Variants in ADD3 observed in about 807,000 individuals in gnomAD.
The protein encoded by ADD3 is gamma-adducin.
Under a neutral mutation model 80.2 loss-of-function variants are expected in ADD3, and 25 were observed. That is an observed-to-expected ratio of 0.31 (90% CI 0.23 to 0.44). The LOEUF (loss-of-function observed/expected upper bound fraction) is 0.44. ADD3 is among the 20% of genes least tolerant of loss of function. The pLI is 1.00. For synonymous variants in ADD3, 284 were observed against 289.6 expected, an observed-to-expected ratio of 0.98 and a Z score of 0.20; for missense variants, 829 against 847.5, an observed-to-expected ratio of 0.98 and a Z score of 0.27.
intron 2 of ADD3, among the ~76,000 whole-genome samples, chr10:110,110,998 T>G (rs1849941783): frequency 6.6e-6 from 1 of 152,032 alleles, no homozygotes; most frequent in South Asian, 2.1e-4. Flanking sequence ...AAAAAAAGTT[T>G]CCTAGACATA....
intron 1 of ADD3, among the ~76,000 whole-genome samples, chr10:110,025,372 G>C (rs1017792275): frequency 6.6e-6 from 1 of 151,900 alleles, no homozygotes; most frequent in Admixed American, 6.6e-5. Context: ...CGATATTTGT[G>C]GGAGAGATGG....
At chr10:110,026,697 G>A (rs1420788691) in intron 1 of ADD3, among the ~76,000 whole-genome samples, 1 of 151,752 alleles carries the variant, frequency 6.6e-6, no homozygotes, top group Non-Finnish European at 1.5e-5. Flanking sequence ...TGTGTTTCCT[G>A]GTGACAATAT....
intron 2 of ADD3, among the ~76,000 whole-genome samples, chr10:110,104,071 C>T (rs1481768069): frequency 4.6e-5 from 7 of 152,176 alleles, no homozygotes. Context: ...ACCTTAAGTA[C>T]AGGTCCTGTC....
intron 1 of ADD3, among the ~76,000 whole-genome samples, chr10:110,039,908 G>T (rs1856093953): frequency 6.6e-6 from 1 of 152,196 alleles, no homozygotes; most frequent in South Asian, 2.1e-4. Context: ...TCATCTGAGT[G>T]TTCTTAAGAT....
chr10:110,013,423 G>A (rs1037511307), intron 1 of ADD3, among the ~76,000 whole-genome samples: 1 of 152,102 alleles, frequency 6.6e-6, no homozygotes, highest in Non-Finnish European at 1.5e-5. Context: ...TTTTAATCTA[G>A]GGTTATGAAA....
At chr10:110,068,290 C>A (rs546530143) in intron 1 of ADD3, among the ~76,000 whole-genome samples, 1 of 152,250 alleles carries the variant, frequency 6.6e-6, no homozygotes, top group East Asian at 1.9e-4. Flanking sequence ...TTTCCACCTC[C>A]CCCCCTCCTT....
Position 110,096,170 on chromosome 10 carries a change from AAAAC to A in ADD3, c.-29-4452_-29-4449del, listed in dbSNP as rs902723132. ...TTATATAAAAATATTTTTTTGGAAA[AAAAC>A]AATACTCAGTTGGCTCTTTCAGCAT... On this transcript the variant is annotated intron_variant, in intron 1 of 14. Transcript: ENST00000356080. Among the ~76,000 whole-genome samples the A allele has an allele frequency of 4.6e-4, 70 of 152,268 alleles. 1 individual carries two copies. The highest frequency in any genetic ancestry group is 3.0e-3 in the Admixed American group (46 of 15,304).
In ADD3 at chr10:110,125,890, A is replaced by G; in HGVS notation, c.1466A>G (p.Asn489Ser). 1 of 1,610,848 alleles carries G rather than the reference A, an allele frequency of 6.2e-7. No homozygotes were observed. Among genetic ancestry groups the G allele is most frequent in the Non-Finnish European group, 8.5e-7 (1 of 1,177,678 alleles). Residue 489 changes from asparagine (N) to serine (S), a missense_variant, in exon 11 of 15, where the codon AAT (asparagine) becomes AGT (serine). By Grantham distance (46) the Asn-to-Ser change is conservative (BLOSUM62 1). Coordinates refer to ENST00000356080, the MANE Select transcript of ADD3 (RefSeq NM_016824.5). ...GGTPIKIEDP[N>S]QFVPLNTNPN... is the part of the protein sequence containing the mutation. ...ACACCTATCAAAATTGAAGATCCAA[A>G]TCAGTTTGTTCCTTTAAACACAAAC...
chr10:110,066,809 A>G (rs1844013993), intron 1 of ADD3, among the ~76,000 whole-genome samples: 1 of 152,226 alleles, frequency 6.6e-6, no homozygotes, highest in African/African-American at 2.4e-5. Flanking sequence ...ATAATTGTCT[A>G]GAATTTTTTG....
chr10:110,073,031 T>G (rs1475057935), intron 1 of ADD3, among the ~76,000 whole-genome samples: 2 of 152,130 alleles, frequency 1.3e-5, no homozygotes, highest in Non-Finnish European at 2.9e-5. Flanking sequence ...TGTGTAAAAT[T>G]GGCCTATTGT....
chr10:110,034,595 A>G (rs918789303), intron 1 of ADD3, among the ~76,000 whole-genome samples: 1 of 152,172 alleles, frequency 6.6e-6, no homozygotes, highest in East Asian at 1.9e-4. Context: ...CCATGTAATC[A>G]GTTATTAAAT....
rs1268864136 is a variant in ADD3, at chr10:110,112,768, G to T, written c.196-9G>T. The T allele has an allele frequency of 1.2e-6, 2 of 1,608,634 alleles. No individual in the cohort carries two copies. The highest frequency in any genetic ancestry group is 2.2e-5 in the East Asian group (1 of 44,838). On this transcript the variant is annotated splice_polypyrimidine_tract_variant and intron_variant, in intron 2 of 14. Transcript: ENST00000356080. ...TTGCTTGCTCAGTCTTTATTTTTGT[G>T]TATTACAGGCCTTTCGGGAAGACTT...
At chr10:110,066,182 A>G (rs1829114262) in intron 1 of ADD3, among the ~76,000 whole-genome samples, 1 of 152,274 alleles carries the variant, frequency 6.6e-6, no homozygotes, top group East Asian at 1.9e-4. Context: ...ATTGTTACAG[A>G]TTAGCAAGGG....
intron 1 of ADD3, among the ~76,000 whole-genome samples, chr10:110,031,940 C>T (rs1855085066): frequency 6.6e-6 from 1 of 151,604 alleles, no homozygotes; most frequent in Admixed American, 6.6e-5. Flanking sequence ...TAAAGTTTCC[C>T]CTCTTAGCAA....
intron 1 of ADD3, among the ~76,000 whole-genome samples, chr10:110,079,497 T>TGTGA (rs1405646889): frequency 4.0e-5 from 6 of 148,910 alleles, no homozygotes; most frequent in Non-Finnish European, 1.5e-5. Context: ...TGTGTGTGTG[T>TGTGA]GTGTGATCTA....
upstream of ADD3, among the ~76,000 whole-genome samples, chr10:110,004,584 C>T (rs1384057624): frequency 6.6e-6 from 1 of 151,894 alleles, no homozygotes; most frequent in Non-Finnish European, 1.5e-5. Context: ...GCTGGGATTA[C>T]AGGCATGAGC....
chr10:110,128,049 A>ATTT (rs71486096), intron 12 of ADD3, among the ~76,000 whole-genome samples: 11 of 106,010 alleles, frequency 1.0e-4, no homozygotes, highest in Admixed American at 2.1e-4. Flanking sequence ...TTTGTTTAGG[A>ATTT]TTTTTTTTTT....
intron 1 of ADD3, among the ~76,000 whole-genome samples, chr10:110,038,281 C>G (rs903275504): frequency 6.6e-6 from 1 of 151,960 alleles, no homozygotes; most frequent in Non-Finnish European, 1.5e-5. Flanking sequence ...TTTGTGTAAC[C>G]AGGCTAATTC....
intron 12 of ADD3, among the ~76,000 whole-genome samples, chr10:110,127,558 A>G (rs4918480): frequency 0.18 from 27,863 of 152,292 alleles, 3,456 homozygotes; most frequent in Admixed American, 0.4. Context: ...CAGAGGTTGC[A>G]GTGAGCCAAG....
Sources: gnomAD v4.1 joint callset for allele counts (sites outside exome capture counted in the v4.1 genomes callset) on GRCh38, gnomAD v4.1.1 for gene constraint, MANE v1.5 for transcripts, NCBI Gene and HGNC (gene_info 2026-07-23, HGNC 2026-07-21) for gene names.